The following STAU1 variants were observed in gnomAD, a reference collection of about 807,000 sequenced individuals.
STAU1 encodes the protein staufen double-stranded RNA binding protein 1.
Under a neutral mutation model 62.9 loss-of-function variants are expected in STAU1, and 13 were observed. That is an observed-to-expected ratio of 0.21 (90% CI 0.13 to 0.33). The LOEUF (loss-of-function observed/expected upper bound fraction) is 0.33. Among genes scored for constraint, STAU1 ranks in the 10% least tolerant of loss-of-function variants. The probability of loss-of-function intolerance (pLI) is 1.00; values close to 1 mark genes in which losing one functional copy is unlikely to be tolerated. For synonymous variants in STAU1, 269 were observed against 265.1 expected (o/e 1.01, Z -0.14); for missense variants, 571 against 712.1 (o/e 0.80, Z 2.25).
At chr20:49,139,122 A>T (rs2092953066) in intron 5 of STAU1, among the ~76,000 whole-genome samples, 1 of 152,228 alleles carries the variant, frequency 6.6e-6, no homozygotes, top group African/African-American at 2.4e-5. Context: ...CATAAGAGCT[A>T]AAACAGTAAA....
At chr20:49,215,501 G>C in the STAU1 span, among the ~76,000 whole-genome samples, 1 of 152,196 alleles carries the variant, frequency 6.6e-6, no homozygotes, top group South Asian at 2.1e-4. Flanking sequence ...GTTGGCTCTT[G>C]AGTGTTGGGG....
chr20:49,130,030 T>C (rs569871860), intron 6 of STAU1, among the ~76,000 whole-genome samples: 2 of 152,150 alleles, frequency 1.3e-5, no homozygotes, highest in Non-Finnish European at 2.9e-5. Flanking sequence ...ATATAAATGT[T>C]TACAGTAGAT....
chr20:49,126,577 A>AAAAAAAAAAAAAAAAAAAAAAAAAAAAAC (rs1555837188), intron 6 of STAU1, among the ~76,000 whole-genome samples: 1 of 35,040 alleles, frequency 2.9e-5, no homozygotes, highest in Non-Finnish European at 5.4e-5. Flanking sequence ...CAAAAAGCAA[A>AAAAAAAAAAAAAAAAAAAAAAAAAAAAAC]AAAAAAAAAA....
At chr20:49,184,867 G>C (rs1199362914) in intron 1 of STAU1, among the ~76,000 whole-genome samples, 1 of 152,008 alleles carries the variant, frequency 6.6e-6, no homozygotes, top group African/African-American at 2.4e-5. Flanking sequence ...CAAGCTCAAA[G>C]TACACCTACA....
At chr20:49,201,044 C>CAAAAAAAAAAAAAAAAAAAAAAAAAAA in the STAU1 span, among the ~76,000 whole-genome samples, 7 of 31,506 alleles carry the variant, frequency 2.2e-4, no homozygotes, top group Admixed American at 7.1e-4. Context: ...GACCCACTCT[C>CAAAAAAAAAAAAAAAAAAAAAAAAAAA]AAAAAAAAAA....
Position 49,117,770 on chromosome 20 carries a change from C to A in STAU1, c.1509+7G>T. ...CACAGCCATCACAGCTCAGGCCAGA[C>A]AGTTACCTGGAATCCCTGGACTCTG... On this transcript the variant is annotated splice_region_variant and intron_variant, in intron 11 of 13. Coordinates refer to ENST00000371856, the MANE Select transcript of STAU1 (RefSeq NM_017453.4). This position sits in a 1 kb window ranked among gnomAD's most constrained non-coding sequence, Gnocchi z 4.6. The A allele has an allele frequency of 6.2e-7, 1 of 1,601,204 alleles. No homozygotes were observed. Among genetic ancestry groups the A allele is most frequent in the South Asian group, 1.1e-5 (1 of 90,006 alleles).
At chr20:49,119,894 T>G (rs1485845768) in intron 9 of STAU1, 88 bp downstream of exon 9, 4 of 1,477,630 alleles carry the variant, frequency 2.7e-6, no homozygotes, top group Non-Finnish European at 3.7e-6. Flanking sequence ...AGATAAAGCC[T>G]TGCCTTGAAG....
chr20:49,198,658 C>T, the STAU1 span, among the ~76,000 whole-genome samples: 1 of 151,168 alleles, frequency 6.6e-6, no homozygotes, highest in African/African-American at 2.4e-5. Context: ...GATAAAACTC[C>T]ATCTCTACTA....
intron 5 of STAU1, among the ~76,000 whole-genome samples, chr20:49,144,130 A>G (rs1477819632): frequency 6.6e-6 from 1 of 152,244 alleles, no homozygotes; most frequent in Non-Finnish European, 1.5e-5. Flanking sequence ...CAGAAGGATC[A>G]ATCCAGTTAT....
chr20:49,207,877 ATAATT>A, the STAU1 span, among the ~76,000 whole-genome samples: 1 of 151,290 alleles, frequency 6.6e-6, no homozygotes, highest in African/African-American at 2.4e-5. Context: ...AGTGACCAAG[ATAATT>A]TTATTTTATT....
intron 10 of STAU1, 26 bp from the exon 11 acceptor site, chr20:49,118,122 C>T (rs370813688): frequency 8.8e-6 from 14 of 1,599,062 alleles, no homozygotes; most frequent in African/African-American, 5.4e-5. Flanking sequence ...ACGGTAAACA[C>T]GAATCCACAT....
chr20:49,185,317 G>T (rs111680877), intron 1 of STAU1, among the ~76,000 whole-genome samples: 1,806 of 152,300 alleles, frequency 0.012, 41 homozygotes, highest in African/African-American at 0.04. Flanking sequence ...CAGGACTGGG[G>T]AAATCTGTAT....
intron 3 of STAU1, among the ~76,000 whole-genome samples, chr20:49,155,763 C>T (rs2093347806): frequency 6.6e-6 from 1 of 152,150 alleles, no homozygotes; most frequent in African/African-American, 2.4e-5. Flanking sequence ...ATTTTAAGTA[C>T]AGTCTGAATC....
Position 49,117,999 on chromosome 20 carries a change from TC to T in STAU1, c.1286del (p.Gly429GlufsTer23). 1 of 1,614,134 alleles carries T rather than the reference TC, an allele frequency of 6.2e-7. No individual in the cohort carries two copies. Among genetic ancestry groups the T allele is most frequent in the Non-Finnish European group, 8.5e-7 (1 of 1,180,020 alleles). ...PMVPEVAQAV[G>X]VSQGHHTKDF... ...CTTTGGTGTGATGTCCTTGACTAAC[TC>T]CTACAGCCTGGGCGACCTCGGGCAC... On this transcript the variant is annotated frameshift_variant, in exon 11 of 14. Coordinates refer to ENST00000371856, the MANE Select transcript of STAU1 (RefSeq NM_017453.4). LOFTEE classifies it high-confidence loss of function. The surrounding 1 kb of genome is among the most constrained non-coding windows in gnomAD (Gnocchi z 4.6).
At chr20:49,191,037 T>A (rs917420920), upstream of STAU1, among the ~76,000 whole-genome samples, 1 of 151,670 alleles carries the variant, frequency 6.6e-6, no homozygotes, top group African/African-American at 2.4e-5. Context: ...TTAATTATTT[T>A]TTTTTTTTGA....
the STAU1 span, among the ~76,000 whole-genome samples, chr20:49,196,779 AAAAAG>A: frequency 2.8e-5 from 1 of 36,200 alleles, no homozygotes; most frequent in African/African-American, 5.0e-5. Context: ...CAAAAAGGAA[AAAAAG>A]AAAAAAAAAA....
chr20:49,138,205 C>G (rs149073240), intron 5 of STAU1, among the ~76,000 whole-genome samples: 4 of 152,146 alleles, frequency 2.6e-5, no homozygotes, highest in African/African-American at 9.6e-5. Context: ...ATCACCTGAG[C>G]CTAGGGTGTT....
At chr20:49,167,709 G>A (rs1477859622) in intron 2 of STAU1, among the ~76,000 whole-genome samples, 1 of 151,798 alleles carries the variant, frequency 6.6e-6, no homozygotes, top group Non-Finnish European at 1.5e-5. Context: ...TTTTTTTTCC[G>A]TCAGCTGCTA....
At chr20:49,122,168 ATTAAG>A (rs1364959157) in intron 8 of STAU1, among the ~76,000 whole-genome samples, 1 of 152,230 alleles carries the variant, frequency 6.6e-6, no homozygotes, top group African/African-American at 2.4e-5. Context: ...TCAAATCACA[ATTAAG>A]TTAAGCTGCC....
Sources: allele counts gnomAD v4.1 joint callset (sites outside exome capture counted in the v4.1 genomes callset), GRCh38; gene constraint gnomAD v4.1.1; non-coding constraint Gnocchi (gnomAD v3.1); transcripts MANE v1.5; gene names NCBI Gene and HGNC (gene_info 2026-07-23, HGNC 2026-07-21).